QRICH2: variants seen among roughly 807,000 people sequenced by gnomAD.
QRICH2 encodes the protein glutamine-rich protein 2.
Under a neutral mutation model 168.3 loss-of-function variants are expected in QRICH2, and 119 were observed. That is an observed-to-expected ratio of 0.71 (90% CI 0.61 to 0.82). The LOEUF (loss-of-function observed/expected upper bound fraction) is 0.82. Among genes scored for constraint, QRICH2 ranks in the 40% least tolerant of loss-of-function variants. The pLI, the probability that QRICH2 is intolerant of heterozygous loss-of-function variation, is 0.00. For missense variants in QRICH2, 2,241 were observed against 2,491.6 expected, an observed-to-expected ratio of 0.90 and a Z score of 2.14; for synonymous variants, 894 against 951.2, an observed-to-expected ratio of 0.94 and a Z score of 1.11.
chr17:76,310,345 T>C (rs1296378544), upstream of QRICH2: 1 of 151,700 alleles, frequency 6.6e-6, no homozygotes, highest in Non-Finnish European at 1.5e-5. Context: ...AATTTTTGTA[T>C]TTTTAGTAGA....
Position 76,292,620 on chromosome 17 carries a change from G to A in QRICH2, c.2107C>T (p.Pro703Ser), listed in dbSNP as rs2071029606. The A allele has an allele frequency of 3.7e-6, 6 of 1,613,606 alleles. No individual in the cohort carries two copies. The highest frequency in any genetic ancestry group is 5.1e-6 in the Non-Finnish European group (6 of 1,179,946). The change falls in exon 4 of 19, where the codon CCT becomes TCT. Residue 703 changes from proline (P) to serine (S), a missense_variant. Physicochemically the swap from Pro to Ser is moderately conservative, Grantham distance 74. Transcript: ENST00000680821. ...ACCAAACCATGCTGATCTGCACCAGGTTGCACCACATCAATCTGATCTGCA... is the reference window on the plus strand; with the variant it reads ...ACCAAACCATGCTGATCTGCACCAGATTGCACCACATCAATCTGATCTGCA... ...PGADQIDVVQ[P>S]GADQHGLVQS...
chr17:76,304,771 G>T, intron 2 of QRICH2, 111 bp downstream of exon 2: 2 of 846,724 alleles, frequency 2.4e-6, no homozygotes, highest in Non-Finnish European at 4.1e-6. Flanking sequence ...GACTTGAGAG[G>T]CAGAGGGCAC....
Position 76,308,159 on chromosome 17 carries a change from A to C in QRICH2, c.-161T>G, listed in dbSNP as rs1439459148. The C allele has an allele frequency of 2.0e-6, 2 of 985,166 alleles. No individual in the cohort carries two copies. Among genetic ancestry groups the C allele is most frequent in the Non-Finnish European group, 2.4e-6 (2 of 829,878 alleles). The allele number at this position is 985,166 out of a possible 1,614,324, so 61.0% of individuals were successfully genotyped here. On this transcript the variant is annotated 5_prime_UTR_variant, in exon 1 of 19. The change creates a new upstream start codon in the 5' untranslated region. Coordinates refer to ENST00000680821, the MANE Select transcript of QRICH2 (RefSeq NM_001388453.1). Reference sequence around the variant, plus strand: ...CTGGACAGAGCTCCTGCCTCCAGGGAATCTGCGCCTCCGCTCCCCGGCGGG... The same window carrying C: ...CTGGACAGAGCTCCTGCCTCCAGGGCATCTGCGCCTCCGCTCCCCGGCGGG...
chr17:76,282,030 T>C lies in QRICH2; in HGVS notation c.4097A>G (p.His1366Arg), dbSNP rs146010781. The change falls in exon 8 of 19, where the codon CAC becomes CGC. Residue 1366 changes from histidine to arginine, a missense_variant. His to Arg is a conservative substitution (Grantham distance 29). Coordinates refer to ENST00000680821, the MANE Select transcript of QRICH2 (RefSeq NM_001388453.1). ...LSMSMAPHKA[H>R]TLAPGQIDPE... ...GTCGATCTGGCCAGGAGCCAAGGTG[T>C]GGGCCTTGTGCGGGGCCATGCTCAT... The C allele has an allele frequency of 2.7e-4, 431 of 1,613,654 alleles. 1 individual carries two copies. The highest frequency in any genetic ancestry group is 2.3e-3 in the Middle Eastern group (14 of 6,062).
chr17:76,280,895 TC>T lies in QRICH2; in HGVS notation c.4321del (p.Glu1441ArgfsTer47). ...SAILQVQGDC[E>X]KLNITTSNLI... Reference sequence around the variant, plus strand: ...GTTGCTGGTGGTGATGTTGAGCTTCTCGCAGTCACCCTGCACCTGCAGGATG... The same window carrying T: ...GTTGCTGGTGGTGATGTTGAGCTTCTGCAGTCACCCTGCACCTGCAGGATG... On this transcript the variant is annotated frameshift_variant, in exon 9 of 19. Transcript: ENST00000680821. LOFTEE classifies it high-confidence loss of function. The surrounding 1 kb of genome is among the most constrained non-coding windows in gnomAD (Gnocchi z 7.4). 6.2e-7 allele frequency: 1 copy of T among 1,613,304 alleles called. No homozygotes were observed. Among genetic ancestry groups the T allele is most frequent in the South Asian group, 1.1e-5 (1 of 91,084 alleles).
chr17:76,297,874 T>TG (rs2070824897), intron 3 of QRICH2, among the ~76,000 whole-genome samples: 1 of 60,396 alleles, frequency 1.7e-5, no homozygotes, highest in Non-Finnish European at 2.6e-5. Context: ...GAATCTGTTT[T>TG]TTTTTTTTTT....
At chr17:76,308,556 G>T, upstream of QRICH2, 4 of 916,844 alleles carry the variant, frequency 4.4e-6, no homozygotes, top group Non-Finnish European at 5.2e-6. Flanking sequence ...CCAGAGTGGT[G>T]GCCCCATGTC....
At chr17:76,299,792 G>A (rs2070865017) in intron 3 of QRICH2, among the ~76,000 whole-genome samples, 1 of 151,294 alleles carries the variant, frequency 6.6e-6, no homozygotes, top group Non-Finnish European at 1.5e-5. Flanking sequence ...GAATGGACTA[G>A]AAAAAAGTGG....
Position 76,292,059 on chromosome 17 carries a change from C to T in QRICH2, c.2668G>A (p.Gly890Ser). 1 of 1,614,172 alleles carries T rather than the reference C, an allele frequency of 6.2e-7. No individual in the cohort carries two copies. Residue 890 changes from glycine (G) to serine (S), a missense_variant, in exon 4 of 19, where the codon GGT becomes AGT. Coordinates refer to ENST00000680821, the MANE Select transcript of QRICH2 (RefSeq NM_001388453.1). ...GLVQPGMDQR[G>S]LIQPGADQPG... ...TGATCTGCACCAGGTTGGATCAAACCACGCTGGTCCATTCCAGGTTGGACC... is the reference window on the plus strand; with the variant it reads ...TGATCTGCACCAGGTTGGATCAAACTACGCTGGTCCATTCCAGGTTGGACC...
At chr17:76,284,683 T>G (rs984030319) in intron 7 of QRICH2, among the ~76,000 whole-genome samples, 7 of 151,918 alleles carry the variant, frequency 4.6e-5, no homozygotes, top group Non-Finnish European at 1.0e-4. Context: ...CCGGGTGCAG[T>G]GGCAGGCGCC....
Position 76,292,726 on chromosome 17 carries a change from C to G in QRICH2, c.2001G>C (p.Gln667His). The change falls in exon 4 of 19, where the codon CAG (glutamine) becomes CAC (histidine). Residue 667 changes from glutamine (Q) to histidine (H), a missense_variant. Coordinates refer to ENST00000680821, the MANE Select transcript of QRICH2 (RefSeq NM_001388453.1). ...QGVLVQPGVD[Q>H]PGMVQPGRFQ... ...ATCTGCCAGGTTGGACCATGCCAGGCTGATCTACACCAGGCTGTACCAAGA... is the reference window on the plus strand; with the variant it reads ...ATCTGCCAGGTTGGACCATGCCAGGGTGATCTACACCAGGCTGTACCAAGA... 6.2e-7 allele frequency: 1 copy of G among 1,608,242 alleles called. No individual in the cohort carries two copies. The highest frequency in any genetic ancestry group is 8.5e-7 in the Non-Finnish European group (1 of 1,177,830).
chr17:76,285,186 G>A (rs2070859856), intron 7 of QRICH2, among the ~76,000 whole-genome samples: 1 of 150,110 alleles, frequency 6.7e-6, no homozygotes, highest in African/African-American at 2.5e-5. Flanking sequence ...AACCTGGAGT[G>A]CATGGTGCGA....
At chr17:76,310,047 A>G (rs2071053486), upstream of QRICH2, 1 of 150,346 alleles carries the variant, frequency 6.7e-6, no homozygotes, top group Non-Finnish European at 1.5e-5. Flanking sequence ...GTGCAGTGGC[A>G]CAATCTCAGC....
At position 76,293,698 on chromosome 17, in the gene QRICH2, CCTGTGA is replaced by C. The variant is rs2071056640; in HGVS notation, c.1023_1028del (p.His342_Arg343del). ...GTGTCGAGGTAAGCTTCTCTCTACTCCTGTGACGATCTGAGTCTGATTTGAATTGGA... is the reference window on the plus strand; with the variant it reads ...GTGTCGAGGTAAGCTTCTCTCTACTCCGATCTGAGTCTGATTTGAATTGGA... On this transcript the variant is annotated inframe_deletion, in exon 4 of 19. Transcript: ENST00000680821. 1.9e-6 allele frequency: 3 copies of C among 1,614,066 alleles called. No homozygotes were observed. The highest frequency in any genetic ancestry group is 1.7e-6 in the Non-Finnish European group (2 of 1,180,048).
rs760720492 is a variant in QRICH2, at chr17:76,280,172, G to C, written c.4627-18C>G. 36 of 1,611,766 alleles carry C rather than the reference G, an allele frequency of 2.2e-5. No homozygotes were observed. In the Middle Eastern group the frequency reaches 5.3e-3, roughly 237 times the overall value. On this transcript the variant is annotated intron_variant, in intron 11 of 18. Coordinates refer to ENST00000680821, the MANE Select transcript of QRICH2 (RefSeq NM_001388453.1). This position sits in a 1 kb window ranked among gnomAD's most constrained non-coding sequence, Gnocchi z 7.4. ...CGGTCCAGCTGTGGCGGGGAAAGAG[G>C]GGCCAGGGGACCTCTAAGGAAGCAG...
rs1314602212 is a variant in QRICH2 at position 76,280,636 on chromosome 17, C to T, written c.4461+18G>A. ...ACCGCCCTGGGACACAGCGTGGCTCCTGGGGCCTGGCACCCACCACATCGA... is the reference window on the plus strand; with the variant it reads ...ACCGCCCTGGGACACAGCGTGGCTCTTGGGGCCTGGCACCCACCACATCGA... On this transcript the variant is annotated intron_variant, in intron 10 of 18. Transcript: ENST00000680821. This position sits in a 1 kb window ranked among gnomAD's most constrained non-coding sequence, Gnocchi z 7.4. 3 of 1,614,046 alleles carry T rather than the reference C, an allele frequency of 1.9e-6. No individual in the cohort carries two copies. The highest frequency in any genetic ancestry group is 1.7e-5 in the Admixed American group (1 of 60,018).
Position 76,292,479 on chromosome 17 carries a change from C to A in QRICH2, c.2248G>T (p.Gly750Cys). The change falls in exon 4 of 19, where the codon GGT (glycine) becomes TGT (cysteine). Residue 750 changes from glycine to cysteine, a missense_variant. By Grantham distance (159) the Gly-to-Cys change is radical (BLOSUM62 -3). Transcript: ENST00000680821. ...LAQPRADHQR[G>C]LVPPGADQRG... ...TGATCTGCACCAGGTGGGACCAAAC[C>A]ACGCTGATGATCTGCACGAGGTTGT... The A allele has an allele frequency of 6.6e-7, 1 of 1,519,952 alleles. No homozygotes were observed. The allele number at this position is 1,519,952 out of a possible 1,614,324, so 94.2% of individuals were successfully genotyped here.
chr17:76,292,874 C>G lies in QRICH2; in HGVS notation c.1853G>C (p.Arg618Pro). ...ATCCATTCCAGGCCAGACCAAACCA[C>G]GCTGATCTGCACCAGGTTGGGCCAA... is the stretch of plus-strand genomic sequence containing the variant. ...SGLAQPGADQ[R>P]GLVWPGMDQS... Residue 618 changes from arginine (R) to proline (P), a missense_variant, in exon 4 of 19, where the codon CGT (arginine) becomes CCT (proline). Around this residue, in one of 3 missense-constraint regions of QRICH2, gnomAD observed 2,047 missense variants for 2,303.8 expected, o/e 0.89. Coordinates refer to ENST00000680821, the MANE Select transcript of QRICH2 (RefSeq NM_001388453.1). 3 of 1,592,938 alleles carry G rather than the reference C, an allele frequency of 1.9e-6. No individual in the cohort carries two copies. Among genetic ancestry groups the G allele is most frequent in the Non-Finnish European group, 2.5e-6 (3 of 1,178,378 alleles).
At chr17:76,309,551 G>GCAC (rs2071046574), upstream of QRICH2, 1 of 152,164 alleles carries the variant, frequency 6.6e-6, no homozygotes, top group Non-Finnish European at 1.5e-5. Flanking sequence ...GCTACTTAAA[G>GCAC]AGAACCTATG....
Sources: allele counts gnomAD v4.1 joint callset (sites outside exome capture counted in the v4.1 genomes callset), GRCh38; gene constraint gnomAD v4.1.1; regional missense constraint gnomAD v4.1.1; non-coding constraint Gnocchi (gnomAD v3.1); transcripts MANE v1.5; gene names NCBI Gene and HGNC (gene_info 2026-07-23, HGNC 2026-07-21).